APBA1: variants seen among roughly 807,000 people sequenced by gnomAD.
The protein encoded by APBA1 is amyloid-beta A4 precursor protein-binding family A member 1.
A neutral mutation model predicts 86.6 loss-of-function variants in APBA1; 55 were observed. That is an observed-to-expected ratio of 0.64 (90% CI 0.51 to 0.80). The LOEUF (loss-of-function observed/expected upper bound fraction) is 0.80, where lower values mean the gene tolerates loss of function less well. Ranked by LOEUF, APBA1 falls within the 30% of genes least tolerant of loss-of-function variation. The pLI is 0.00. For synonymous variants in APBA1, 511 were observed against 493.9 expected (o/e 1.03, Z -0.46); for missense variants, 1,090 against 1,183.0 (o/e 0.92, Z 1.15).
intron 1 of APBA1, among the ~76,000 whole-genome samples, chr9:69,560,953 C>T (rs140147787): frequency 6.6e-6 from 1 of 152,234 alleles, no homozygotes; most frequent in Admixed American, 6.5e-5. Context: ...GATTTATGTA[C>T]AAGTTGGTGC....
At chr9:69,499,880 C>A (rs552214524) in intron 2 of APBA1, among the ~76,000 whole-genome samples, 1 of 152,156 alleles carries the variant, frequency 6.6e-6, no homozygotes, top group East Asian at 1.9e-4. Context: ...TTTGACAATA[C>A]CTCCATCTCA....
At chr9:69,490,854 A>G (rs2133859744) in intron 2 of APBA1, among the ~76,000 whole-genome samples, 1 of 152,312 alleles carries the variant, frequency 6.6e-6, no homozygotes, top group East Asian at 1.9e-4. Context: ...ACATGAAAAA[A>G]TGCTCACCAT....
chr9:69,607,665 T>C (rs1822502683), intron 1 of APBA1, among the ~76,000 whole-genome samples: 1 of 152,236 alleles, frequency 6.6e-6, no homozygotes, highest in African/African-American at 2.4e-5. Flanking sequence ...ATACTTTGTA[T>C]TAACTTTTGA....
intron 1 of APBA1, among the ~76,000 whole-genome samples, chr9:69,572,620 T>A (rs1837133448): frequency 6.6e-6 from 1 of 152,234 alleles, no homozygotes; most frequent in African/African-American, 2.4e-5. Context: ...AGACCTCTTG[T>A]CTGGGCTAGG....
chr9:69,663,448 T>G (rs1378844606), intron 1 of APBA1, among the ~76,000 whole-genome samples: 1 of 152,222 alleles, frequency 6.6e-6, no homozygotes, highest in Non-Finnish European at 1.5e-5. Flanking sequence ...TCTTGTTAAG[T>G]GGAATTTCCT....
At chr9:69,623,087 A>G (rs1424685703) in intron 1 of APBA1, among the ~76,000 whole-genome samples, 1 of 152,106 alleles carries the variant, frequency 6.6e-6, no homozygotes, top group Non-Finnish European at 1.5e-5. Context: ...AAATGGCAAA[A>G]TTGTACTTGA....
At chr9:69,609,796 T>C (rs73647264) in intron 1 of APBA1, among the ~76,000 whole-genome samples, 12,155 of 151,956 alleles carry the variant, frequency 0.08, 702 homozygotes, top group African/African-American at 0.16. Flanking sequence ...GGTGAGTTTG[T>C]TGTTGTTGTT....
At chr9:69,601,056 A>G (rs537832634) in intron 1 of APBA1, among the ~76,000 whole-genome samples, 2 of 152,132 alleles carry the variant, frequency 1.3e-5, no homozygotes, top group Admixed American at 6.5e-5. Context: ...AGAAAAGTTG[A>G]TAATACAAGA....
At chr9:69,440,417 G>A (rs1221612831) in intron 11 of APBA1, among the ~76,000 whole-genome samples, 1 of 151,764 alleles carries the variant, frequency 6.6e-6, no homozygotes, top group Non-Finnish European at 1.5e-5. Context: ...TCCTTGAGCT[G>A]TAGTGGGCTC....
rs775033552 is a variant in APBA1 at position 69,467,856 on chromosome 9, C to T, written c.1449G>A (p.Met483Ile). Reference sequence around the variant, plus strand: ...TGCTTACGGCTTCCTGGGCCTGCATCATGCGCACGTTTTTGGAAGGAGTTT... The same window carrying T: ...TGCTTACGGCTTCCTGGGCCTGCATTATGCGCACGTTTTTGGAAGGAGTTT... ...SDKTPSKNVR[M>I]MQAQEAVSRI... Residue 483 changes from methionine to isoleucine, a missense_variant, in exon 5 of 13, where the codon ATG becomes ATA. Transcript: ENST00000265381. 6.2e-7 allele frequency: 1 copy of T among 1,614,202 alleles called. No individual in the cohort carries two copies. Among genetic ancestry groups the T allele is most frequent in the Non-Finnish European group, 8.5e-7 (1 of 1,180,044 alleles).
At chr9:69,666,533 C>CT (rs1564107301) in intron 1 of APBA1, among the ~76,000 whole-genome samples, 2 of 151,976 alleles carry the variant, frequency 1.3e-5, no homozygotes, top group East Asian at 3.9e-4. Flanking sequence ...AAGGACATGC[C>CT]TCCCCCCACC....
intron 1 of APBA1, among the ~76,000 whole-genome samples, chr9:69,670,012 G>C (rs753413937): frequency 6.6e-6 from 1 of 151,974 alleles, no homozygotes; most frequent in Non-Finnish European, 1.5e-5. Context: ...AATTCCCTAA[G>C]TACTTTTCTC....
At chr9:69,658,268 CTTTCTTTCTT>C (rs1194946310) in intron 1 of APBA1, among the ~76,000 whole-genome samples, 5 of 88,408 alleles carry the variant, frequency 5.7e-5, no homozygotes, top group South Asian at 4.5e-4. Context: ...TTCTTTCTTT[CTTTCTTTCTT>C]TCTTTCTCTC....
chr9:69,655,322 A>G (rs1165746452), intron 1 of APBA1, among the ~76,000 whole-genome samples: 5 of 152,046 alleles, frequency 3.3e-5, no homozygotes, highest in South Asian at 2.1e-4. Flanking sequence ...GTATGTGTGT[A>G]TATATATATG....
chr9:69,441,949 CT>C (rs1400510420), intron 10 of APBA1, among the ~76,000 whole-genome samples: 1 of 152,220 alleles, frequency 6.6e-6, no homozygotes, highest in Admixed American at 6.5e-5. Context: ...CTCCTGTCCC[CT>C]GATCAGACTC....
At chr9:69,661,757 A>G (rs1168026436) in intron 1 of APBA1, among the ~76,000 whole-genome samples, 1 of 152,080 alleles carries the variant, frequency 6.6e-6, no homozygotes, top group African/African-American at 2.4e-5. Context: ...ATAGTTTCCT[A>G]GACAGTGGAT....
intron 10 of APBA1, among the ~76,000 whole-genome samples, chr9:69,445,389 C>T (rs868731962): frequency 6.6e-6 from 1 of 152,140 alleles, no homozygotes; most frequent in African/African-American, 2.4e-5. Context: ...TTCTGAGCTG[C>T]CATTTTATTG....
chr9:69,432,355 G>C (rs191553196), intron 12 of APBA1, among the ~76,000 whole-genome samples, 181 bp downstream of exon 12: 1 of 152,330 alleles, frequency 6.6e-6, no homozygotes, highest in Non-Finnish European at 1.5e-5. Context: ...GGAGCTCCCA[G>C]ATAACTGCTT....
intron 1 of APBA1, among the ~76,000 whole-genome samples, chr9:69,584,860 C>A (rs1401183585): frequency 2.0e-5 from 3 of 152,252 alleles, no homozygotes; most frequent in African/African-American, 7.2e-5. Context: ...TTCATTATGT[C>A]CAGGATGAAT....
Sources: gnomAD v4.1 joint callset for allele counts (sites outside exome capture counted in the v4.1 genomes callset) on GRCh38, gnomAD v4.1.1 for gene constraint, MANE v1.5 for transcripts, NCBI Gene and HGNC (gene_info 2026-07-23, HGNC 2026-07-21) for gene names.